Variants in RETREG1 observed in about 807,000 individuals in gnomAD.
The protein encoded by RETREG1 is family with sequence similarity 134 member B.
In RETREG1, 44 loss-of-function variants were observed where a neutral mutation model predicts 54.8. The observed-to-expected ratio is 0.80, with a 90% CI of 0.63 to 1.03. The LOEUF is 1.03. RETREG1 is among the 50% of genes least tolerant of loss of function. The pLI is 0.00. For missense variants in RETREG1, 554 were observed against 605.1 expected, an observed-to-expected ratio of 0.92 and a Z score of 0.89; for synonymous variants, 217 against 238.5, an observed-to-expected ratio of 0.91 and a Z score of 0.83.
chr5:16,578,431 G>C (rs1344230141), intron 1 of RETREG1, among the ~76,000 whole-genome samples: 1 of 152,112 alleles, frequency 6.6e-6, no homozygotes, highest in Non-Finnish European at 1.5e-5. Context: ...TCTTTAAAAA[G>C]TAATTGAACA....
chr5:16,608,053 T>C (rs963948678), intron 1 of RETREG1, among the ~76,000 whole-genome samples: 8 of 152,080 alleles, frequency 5.3e-5, no homozygotes, highest in African/African-American at 1.9e-4. Context: ...CTAATTTTTG[T>C]ATTTTTAATA....
intron 4 of RETREG1, 177 bp downstream of exon 4, chr5:16,483,169 A>G: frequency 7.5e-6 from 5 of 666,846 alleles, no homozygotes; most frequent in Non-Finnish European, 1.3e-5. Flanking sequence ...GCTGAGGATT[A>G]TCTAGTGTTC....
intron 1 of RETREG1, 44 bp downstream of exon 1, chr5:16,616,608 G>A: frequency 6.5e-7 from 1 of 1,549,288 alleles, no homozygotes; most frequent in Non-Finnish European, 8.7e-7. Context: ...GCGCCCCAAG[G>A]TCACCTGCCC....
chr5:16,473,273 A>G lies in RETREG1; in HGVS notation c.*1468T>C, dbSNP rs1738377775. The G allele has an allele frequency of 6.6e-6, 1 of 152,612 alleles. No individual in the cohort carries two copies. Among genetic ancestry groups the G allele is most frequent in the African/African-American group, 2.4e-5 (1 of 41,452 alleles). 9.5% of individuals were successfully genotyped at this position (152,612 alleles called of 1,614,324 possible). ...ACTAATGACATAAGCAATCACAAAA[A>G]GCAAGTGTTCAAAGTCTTCAGTAAC... On this transcript the variant is annotated 3_prime_UTR_variant, in exon 9 of 9. Transcript: ENST00000306320.
intron 3 of RETREG1, among the ~76,000 whole-genome samples, chr5:16,517,013 AG>A (rs1740378648): frequency 6.6e-6 from 1 of 152,190 alleles, no homozygotes; most frequent in African/African-American, 2.4e-5. Flanking sequence ...AGATGCCTGC[AG>A]GGGGAACAAT....
At position 16,552,294 on chromosome 5, in the gene RETREG1, C is replaced by G. The variant is rs375489952; in HGVS notation, c.458+13469G>C. On this transcript the variant is annotated intron_variant, in intron 3 of 8. Transcript: ENST00000306320. ...AACTCACTAATACCCCCTCTTTCCACACAATCACTTGCAAATTAAGTTATT... is the reference window on the plus strand; with the variant it reads ...AACTCACTAATACCCCCTCTTTCCAGACAATCACTTGCAAATTAAGTTATT... Among the ~76,000 whole-genome samples, 23 of 152,336 alleles carry G rather than the reference C, an allele frequency of 1.5e-4. No homozygotes were observed. In the East Asian group the frequency reaches 2.7e-3, roughly 18 times the overall value.
chr5:16,474,696 A>ATTTTTTTTGTT lies in RETREG1; in HGVS notation c.*44_*45insAACAAAAAAAA. On this transcript the variant is annotated 3_prime_UTR_variant, in exon 9 of 9. Transcript: ENST00000306320. ...TTTTTTTTTTTTTTTCTTGTTTGAA[A>ATTTTTTTTGTT]TTTTTTTGGTGTTTTTTGTGCTCTG... is the stretch of plus-strand genomic sequence containing the variant. The ATTTTTTTTGTT allele has an allele frequency of 6.6e-7, 1 of 1,521,920 alleles. No homozygotes were observed. The highest frequency in any genetic ancestry group is 8.7e-7 in the Non-Finnish European group (1 of 1,143,330). 94.3% of individuals were successfully genotyped at this position (1,521,920 alleles called of 1,614,324 possible).
chr5:16,596,120 C>A (rs758713316), intron 1 of RETREG1, among the ~76,000 whole-genome samples: 1 of 152,190 alleles, frequency 6.6e-6, no homozygotes, highest in Non-Finnish European at 1.5e-5. Context: ...GGTGGTTAAA[C>A]TGGAGCAAAG....
intron 3 of RETREG1, among the ~76,000 whole-genome samples, chr5:16,516,434 C>T (rs189742784): frequency 2.6e-4 from 39 of 152,308 alleles, no homozygotes; most frequent in African/African-American, 9.4e-4. Context: ...TAGAACAGCA[C>T]AACCGAATCT....
At chr5:16,523,322 G>A (rs142103619) in intron 3 of RETREG1, among the ~76,000 whole-genome samples, 8 of 152,190 alleles carry the variant, frequency 5.3e-5, no homozygotes, top group African/African-American at 1.9e-4. Context: ...TTCAATCTTG[G>A]TATCAGCTTG....
chr5:16,554,360 T>C (rs1163946553), intron 3 of RETREG1, among the ~76,000 whole-genome samples: 1 of 152,168 alleles, frequency 6.6e-6, no homozygotes, highest in African/African-American at 2.4e-5. Flanking sequence ...AACCAGCGCC[T>C]GCCTCTCCAC....
intron 3 of RETREG1, among the ~76,000 whole-genome samples, chr5:16,486,561 C>G (rs1363585412): frequency 6.6e-6 from 1 of 152,158 alleles, no homozygotes; most frequent in Non-Finnish European, 1.5e-5. Context: ...AACGTGAAAT[C>G]CAACTTTTTG....
intron 3 of RETREG1, chr5:16,508,610 CAT>C: frequency 1.2e-6 from 2 of 1,614,194 alleles, no homozygotes; most frequent in Non-Finnish European, 1.7e-6. Flanking sequence ...CACCTTCAGG[CAT>C]TTCTGCCCTT....
Position 16,616,955 on chromosome 5 carries a change from G to A in RETREG1, c.17C>T (p.Pro6Leu), listed in dbSNP as rs894277583. 1.0e-4 allele frequency: 145 copies of A among 1,437,160 alleles called. No homozygotes were observed. In the Admixed American group the frequency reaches 1.8e-3, roughly 18 times the overall value. The allele number at this position is 1,437,160 out of a possible 1,614,324, so 89.0% of individuals were successfully genotyped here. MASPA[P>L]PEHAEEGCPA... ...GCATCCCTCCTCGGCGTGCTCCGGA[G>A]GCGCCGGGCTCGCCATCTTCAGCTG... is the stretch of plus-strand genomic sequence containing the variant. The change falls in exon 1 of 9, where the codon CCT becomes CTT. Residue 6 changes from proline to leucine, a missense_variant. By Grantham distance (98) the Pro-to-Leu change is moderately conservative. Transcript: ENST00000306320.
At chr5:16,552,379 A>C (rs188697875) in intron 3 of RETREG1, among the ~76,000 whole-genome samples, 3 of 152,354 alleles carry the variant, frequency 2.0e-5, no homozygotes, top group Admixed American at 1.3e-4. Flanking sequence ...ATACTAAGTC[A>C]AAAGACTAAG....
chr5:16,573,747 T>TTG (rs1554023021), intron 1 of RETREG1, among the ~76,000 whole-genome samples: 5 of 141,016 alleles, frequency 3.5e-5, no homozygotes, highest in Non-Finnish European at 7.7e-5. Flanking sequence ...TTTTTGTTTT[T>TTG]TTTTTTTTTT....
chr5:16,529,584 ACT>A (rs1160031658), intron 3 of RETREG1, among the ~76,000 whole-genome samples: 2 of 152,250 alleles, frequency 1.3e-5, no homozygotes, highest in Admixed American at 6.5e-5. Flanking sequence ...AATCAGAAAC[ACT>A]GTTTTCATAT....
intron 3 of RETREG1, among the ~76,000 whole-genome samples, chr5:16,519,196 C>T (rs35445381): frequency 0.17 from 26,576 of 152,156 alleles, 2,763 homozygotes; most frequent in Middle Eastern, 0.26. Flanking sequence ...TCTCTCGCTG[C>T]GTGGTGGGTG....
intron 1 of RETREG1, among the ~76,000 whole-genome samples, chr5:16,583,199 G>A (rs1037866173): frequency 1.3e-5 from 2 of 151,936 alleles, no homozygotes; most frequent in African/African-American, 4.8e-5. Flanking sequence ...AATATTTTTT[G>A]TCTGAGCACA....
Sources: allele counts gnomAD v4.1 joint callset (sites outside exome capture counted in the v4.1 genomes callset), GRCh38; gene constraint gnomAD v4.1.1; transcripts MANE v1.5; gene names NCBI Gene and HGNC (gene_info 2026-07-23, HGNC 2026-07-21).